ZNF57: variants seen among roughly 807,000 people sequenced by gnomAD.
ZNF57 encodes the protein zinc finger protein 424.
Under a neutral mutation model 13.4 loss-of-function variants are expected in ZNF57, and 11 were observed. That is an observed-to-expected ratio of 0.82 (90% confidence interval 0.52 to 1.36). The LOEUF is 1.36. Ranked by LOEUF, ZNF57 falls within the 40% of genes most tolerant of loss-of-function variation. ZNF57 has a pLI of 0.00. For synonymous variants in ZNF57, 224 were observed against 238.5 expected (o/e 0.94, Z 0.56); for missense variants, 696 against 667.5 (o/e 1.04, Z -0.47).
rs924481848 is a variant in ZNF57 at position 2,900,989 on chromosome 19, G to A, written c.-57G>A. 4.5e-6 allele frequency: 7 copies of A among 1,549,966 alleles called. No homozygotes were observed. The highest frequency in any genetic ancestry group is 4.1e-5 in the African/African-American group (3 of 72,970). ...CCGGGAGTACCTGTACCTTTCAGCT[G>A]CGCCGGCCGCGAGGCCACGGAGAGC... is the stretch of plus-strand genomic sequence containing the variant. On this transcript the variant is annotated 5_prime_UTR_variant, in exon 1 of 4. Coordinates refer to ENST00000306908, the MANE Select transcript of ZNF57 (RefSeq NM_173480.3).
chr19:2,902,750 T>C (rs1216471307), intron 1 of ZNF57, among the ~76,000 whole-genome samples: 1 of 152,170 alleles, frequency 6.6e-6, no homozygotes, highest in Non-Finnish European at 1.5e-5. Context: ...ACCAGGAGTA[T>C]TGCTTCACTG....
intron 1 of ZNF57, among the ~76,000 whole-genome samples, chr19:2,904,277 CAGTT>C (rs1213639050): frequency 2.6e-5 from 4 of 152,154 alleles, no homozygotes; most frequent in Non-Finnish European, 5.9e-5. Context: ...GTGGGTGACG[CAGTT>C]AGTTCAATCA....
chr19:2,903,078 C>T (rs1028538059), intron 1 of ZNF57, among the ~76,000 whole-genome samples: 1 of 152,208 alleles, frequency 6.6e-6, no homozygotes, highest in African/African-American at 2.4e-5. Context: ...GCAGCGGGAA[C>T]TGTTCATGCT....
At chr19:2,904,448 C>G (rs1161762940) in intron 1 of ZNF57, among the ~76,000 whole-genome samples, 2 of 152,162 alleles carry the variant, frequency 1.3e-5, no homozygotes, top group Non-Finnish European at 2.9e-5. Flanking sequence ...TTTAAGTCAT[C>G]CCCTCACCTC....
chr19:2,914,678 G>C (rs2088172754), intron 1 of ZNF57, among the ~76,000 whole-genome samples: 3 of 152,146 alleles, frequency 2.0e-5, no homozygotes, highest in Admixed American at 2.0e-4. Flanking sequence ...TGAGCTTCGG[G>C]TTTATATTCA....
At chr19:2,901,116 C>A (rs1568177841) in intron 1 of ZNF57, 68 bp downstream of exon 1, 1 of 1,513,390 alleles carries the variant, frequency 6.6e-7, no homozygotes, top group Non-Finnish European at 8.9e-7. Context: ...AACCAGAGTC[C>A]GCCGAAGTCT....
chr19:2,916,752 C>A, intron 3 of ZNF57, 172 bp from the exon 4 acceptor site: 1 of 507,318 alleles, frequency 2.0e-6, no homozygotes, highest in Non-Finnish European at 3.3e-6. Flanking sequence ...ACAGGAAAAC[C>A]CCATATATAA....
chr19:2,905,407 G>GCCCCCCCCCCCCCCCCCCCCCCCCC lies in ZNF57; in HGVS notation c.3+4370_3+4371insCCCCCCCCCCCCCCCCCCCCCCCCC, dbSNP rs752129900. 5.7e-5 allele frequency among the ~76,000 whole-genome samples: 2 copies of GCCCCCCCCCCCCCCCCCCCCCCCCC among 34,816 alleles called. 1 individual carries two copies. Among genetic ancestry groups the GCCCCCCCCCCCCCCCCCCCCCCCCC allele is most frequent in the Non-Finnish European group, 1.1e-4 (2 of 18,350 alleles). The allele number at this position is 34,816 out of a possible 152,430, so 22.8% of individuals were successfully genotyped here. A position where few individuals can be genotyped will look rare whatever the true frequency, so the allele number is the denominator to read the frequency against. ...CTCGAACTCTTGACTTCAGGTGATC[G>GCCCCCCCCCCCCCCCCCCCCCCCCC]CCCCCCCCCCCTCGGCATTCCAAAG... On this transcript the variant is annotated intron_variant, in intron 1 of 3. Coordinates refer to ENST00000306908, the MANE Select transcript of ZNF57 (RefSeq NM_173480.3).
Position 2,917,081 on chromosome 19 carries a change from TCTC to T in ZNF57, c.461_463del (p.Ser154_Leu155delinsPhe). ...CAGGACAGTCTTCACGCATCTTTCT[TCTC>T]TTAAAAGGCACGTCAAGTCTCACTG... is the stretch of plus-strand genomic sequence containing the variant. On this transcript the variant is annotated inframe_deletion, in exon 4 of 4. Coordinates refer to ENST00000306908, the MANE Select transcript of ZNF57 (RefSeq NM_173480.3). 2 of 1,614,102 alleles carry T rather than the reference TCTC, an allele frequency of 1.2e-6. No homozygotes were observed. The highest frequency in any genetic ancestry group is 1.7e-6 in the Non-Finnish European group (2 of 1,180,000).
chr19:2,907,486 T>A (rs2088086522), intron 1 of ZNF57, among the ~76,000 whole-genome samples: 1 of 152,170 alleles, frequency 6.6e-6, no homozygotes, highest in South Asian at 2.1e-4. Flanking sequence ...GGAATTATTT[T>A]TCCCCCATCC....
intron 1 of ZNF57, among the ~76,000 whole-genome samples, chr19:2,905,090 C>A (rs2144919333): frequency 6.6e-6 from 1 of 152,288 alleles, no homozygotes; most frequent in Admixed American, 6.5e-5. Flanking sequence ...GTCATATATT[C>A]ATGCACCATA....
intron 1 of ZNF57, among the ~76,000 whole-genome samples, chr19:2,903,053 C>A (rs1443631956): frequency 2.0e-5 from 3 of 152,162 alleles, no homozygotes; most frequent in Admixed American, 1.3e-4. Flanking sequence ...AGTCCTCCTG[C>A]CTCGTAGAAC....
intron 1 of ZNF57, among the ~76,000 whole-genome samples, chr19:2,912,512 G>A (rs559223088): frequency 4.6e-5 from 7 of 152,144 alleles, no homozygotes; most frequent in Admixed American, 1.3e-4. Context: ...TCATGGTTGC[G>A]TGTTCTGGTA....
intron 1 of ZNF57, among the ~76,000 whole-genome samples, chr19:2,914,071 T>G (rs2088166364): frequency 1.3e-5 from 2 of 152,250 alleles, no homozygotes; most frequent in African/African-American, 4.8e-5. Flanking sequence ...TTCAGTGTTC[T>G]GCAGATGTCT....
chr19:2,910,883 C>G (rs1374812574), intron 1 of ZNF57, among the ~76,000 whole-genome samples: 1 of 150,108 alleles, frequency 6.7e-6, no homozygotes, highest in African/African-American at 2.4e-5. Flanking sequence ...CGTGAGCCAC[C>G]GGGCCCGGCC....
rs1303239383 is a variant in ZNF57 at position 2,910,015 on chromosome 19, C to T, written c.4-5507C>T. On this transcript the variant is annotated intron_variant, in intron 1 of 3. Transcript: ENST00000306908. ...TTGTCAATATCCACCAAATAACTTG[C>T]TGGGATTTTGATTGGGATTGTGTTG... 8.3e-5 allele frequency among the ~76,000 whole-genome samples: 4 copies of T among 48,178 alleles called. 2 individuals are homozygous for T. The highest frequency in any genetic ancestry group is 4.8e-4 in the Admixed American group (2 of 4,134). The allele number at this position is 48,178 out of a possible 152,430, so 31.6% of individuals were successfully genotyped here.
intron 1 of ZNF57, among the ~76,000 whole-genome samples, chr19:2,904,333 T>C (rs569667783): frequency 2.0e-5 from 3 of 152,226 alleles, no homozygotes; most frequent in Admixed American, 2.0e-4. Flanking sequence ...AGTGTGTTCA[T>C]TTATTTTGTG....
chr19:2,904,145 G>C (rs2088053945), intron 1 of ZNF57, among the ~76,000 whole-genome samples: 1 of 152,146 alleles, frequency 6.6e-6, no homozygotes, highest in South Asian at 2.1e-4. Context: ...TTACAAGCAT[G>C]GGCCACTGCA....
At chr19:2,904,005 G>A (rs143493616) in intron 1 of ZNF57, among the ~76,000 whole-genome samples, 6,287 of 152,222 alleles carry the variant, frequency 0.041, 255 homozygotes, top group East Asian at 0.16. Context: ...GTGAGCCACC[G>A]CGCCCGGCCC....
Sources: gnomAD v4.1 joint callset for allele counts (sites outside exome capture counted in the v4.1 genomes callset) on GRCh38, gnomAD v4.1.1 for gene constraint, MANE v1.5 for transcripts, NCBI Gene and HGNC (gene_info 2026-07-23, HGNC 2026-07-21) for gene names.